MYRIP: variants seen among roughly 807,000 people sequenced by gnomAD.
The protein encoded by MYRIP is rab effector MyRIP.
Under a neutral mutation model 98.0 loss-of-function variants are expected in MYRIP, and 49 were observed. The ratio of observed to expected loss-of-function variants is 0.50; its 90% CI spans 0.40 to 0.63. The LOEUF is 0.63. Among genes scored for constraint, MYRIP ranks in the 30% least tolerant of loss-of-function variants. The probability of loss-of-function intolerance (pLI) is 0.00; values close to 1 mark genes in which losing one functional copy is unlikely to be tolerated. For missense variants in MYRIP, 1,004 were observed against 1,058.2 expected, an observed-to-expected ratio of 0.95 and a Z score of 0.71; for synonymous variants, 404 against 409.5, an observed-to-expected ratio of 0.99 and a Z score of 0.16.
intron 3 of MYRIP, among the ~76,000 whole-genome samples, chr3:40,084,549 A>G (rs1250505817): frequency 6.2e-5 from 6 of 97,524 alleles, no homozygotes; most frequent in Admixed American, 4.5e-4. Flanking sequence ...TTATATATCG[A>G]TAGATAATAC....
chr3:39,890,535 G>A (rs1371019757), intron 1 of MYRIP, among the ~76,000 whole-genome samples: 1 of 151,062 alleles, frequency 6.6e-6, no homozygotes, highest in Admixed American at 6.6e-5. Flanking sequence ...TATAGTTTCT[G>A]AGTTCTTATT....
At chr3:39,866,323 C>G (rs1257691532) in intron 1 of MYRIP, among the ~76,000 whole-genome samples, 1 of 152,020 alleles carries the variant, frequency 6.6e-6, no homozygotes, top group Non-Finnish European at 1.5e-5. Context: ...ATATATACCC[C>G]TGAACCTAAA....
chr3:39,843,264 A>C (rs1044212940), intron 1 of MYRIP, among the ~76,000 whole-genome samples: 5 of 152,214 alleles, frequency 3.3e-5, no homozygotes, highest in African/African-American at 1.2e-4. Flanking sequence ...GCTGAGCATA[A>C]TAATTTATTT....
intron 2 of MYRIP, among the ~76,000 whole-genome samples, chr3:39,910,705 C>T (rs970498207): frequency 2.4e-4 from 36 of 151,930 alleles, no homozygotes; most frequent in African/African-American, 7.3e-4. Context: ...GTTAATTTCA[C>T]TTTTTTTTAC....
intron 2 of MYRIP, among the ~76,000 whole-genome samples, chr3:39,998,778 T>C (rs1398742884): frequency 4.6e-5 from 7 of 152,240 alleles, no homozygotes; most frequent in African/African-American, 1.7e-4. Flanking sequence ...CTTCAAACTA[T>C]ACTACAAGGC....
chr3:40,169,843 A>T, intron 7 of MYRIP, 107 bp from the exon 8 acceptor site: 1 of 1,332,340 alleles, frequency 7.5e-7, no homozygotes, highest in Non-Finnish European at 1.1e-6. Flanking sequence ...TGTTGAAATT[A>T]AGCTTATAAG....
chr3:40,117,856 G>A (rs913244785), intron 3 of MYRIP, among the ~76,000 whole-genome samples: 6 of 152,044 alleles, frequency 3.9e-5, no homozygotes, highest in African/African-American at 1.2e-4. Context: ...ATCATGAGAG[G>A]CCTTACTATG....
chr3:39,973,027 T>G (rs1191551160), intron 2 of MYRIP, among the ~76,000 whole-genome samples: 1 of 152,030 alleles, frequency 6.6e-6, no homozygotes, highest in African/African-American at 2.4e-5. Context: ...TCATATTGAT[T>G]TTTAAAAGAT....
At chr3:39,878,005 G>A (rs1403974491) in intron 1 of MYRIP, among the ~76,000 whole-genome samples, 14 of 152,204 alleles carry the variant, frequency 9.2e-5, no homozygotes, top group African/African-American at 2.2e-4. Context: ...CACCCAGTTC[G>A]AGCTTCCCGG....
Position 40,006,395 on chromosome 3 carries a change from A to G in MYRIP, c.111-37655A>G, listed in dbSNP as rs60406479. ...CAGAGCAAGACTCTGTCTCAAAAAA[A>G]AAGGAGGCTGCTGTGGTGGTCCCCA... On this transcript the variant is annotated intron_variant, in intron 2 of 16. Coordinates refer to ENST00000302541, the MANE Select transcript of MYRIP (RefSeq NM_015460.4). Among the ~76,000 whole-genome samples the G allele has an allele frequency of 7.7e-3, 1,167 of 152,284 alleles. 11 individuals carry two copies. The highest frequency in any genetic ancestry group is 0.027 in the African/African-American group (1,120 of 41,566).
At chr3:40,035,704 TA>T in intron 2 of MYRIP, among the ~76,000 whole-genome samples, 1 of 151,880 alleles carries the variant, frequency 6.6e-6, no homozygotes, top group East Asian at 1.9e-4. Flanking sequence ...TCTGGAAATA[TA>T]AAAATCAGTA....
chr3:40,242,824 G>C lies in MYRIP; in HGVS notation c.2101-1622G>C, dbSNP rs1392924022. On this transcript the variant is annotated intron_variant, in intron 12 of 16. Transcript: ENST00000302541. ...TGATAAACTTCAAACCTCTCTCTCTGTTTCTCCCCCTTTTCCCCACCCCCA... is the reference window on the plus strand; with the variant it reads ...TGATAAACTTCAAACCTCTCTCTCTCTTTCTCCCCCTTTTCCCCACCCCCA... Among the ~76,000 whole-genome samples the C allele has an allele frequency of 2.6e-5, 4 of 151,902 alleles. No homozygotes were observed. The East Asian group carries it at 5.8e-4, about 22-fold the overall frequency.
chr3:39,881,208 T>C (rs1241466070), intron 1 of MYRIP, among the ~76,000 whole-genome samples: 2 of 150,120 alleles, frequency 1.3e-5, no homozygotes, highest in Non-Finnish European at 3.0e-5. Context: ...CTCTGAGCAT[T>C]ACACCCATTT....
intron 2 of MYRIP, among the ~76,000 whole-genome samples, chr3:39,975,141 A>G (rs1463061631): frequency 6.6e-6 from 1 of 152,214 alleles, no homozygotes; most frequent in Non-Finnish European, 1.5e-5. Context: ...GTATGTCTAG[A>G]AAACCCCATC....
chr3:40,108,772 A>G (rs1949101587), intron 3 of MYRIP, among the ~76,000 whole-genome samples: 1 of 152,192 alleles, frequency 6.6e-6, no homozygotes, highest in South Asian at 2.1e-4. Flanking sequence ...GATTGTAAGC[A>G]TTAAGACTCC....
chr3:40,204,188 A>AT lies in MYRIP; in HGVS notation c.1666-5665dup, dbSNP rs1481422170. On this transcript the variant is annotated intron_variant, in intron 10 of 16. Coordinates refer to ENST00000302541, the MANE Select transcript of MYRIP (RefSeq NM_015460.4). ...ATAATATTTATATATTATATAATATATAAATATTATATTATATATTTATAT... is the reference window on the plus strand; with the variant it reads ...ATAATATTTATATATTATATAATATATTAAATATTATATTATATATTTATAT... 2.2e-3 allele frequency among the ~76,000 whole-genome samples: 125 copies of AT among 57,104 alleles called. 4 individuals are homozygous for AT. Among genetic ancestry groups the AT allele is most frequent in the African/African-American group, 6.2e-3 (103 of 16,646 alleles). 37.5% of individuals were successfully genotyped at this position (57,104 alleles called of 152,430 possible).
At chr3:40,070,701 CA>C (rs1010464865) in intron 3 of MYRIP, among the ~76,000 whole-genome samples, 2 of 152,100 alleles carry the variant, frequency 1.3e-5, no homozygotes, top group Admixed American at 1.3e-4. Flanking sequence ...ATCCCAAAAC[CA>C]TCCACCCCCT....
At chr3:39,984,157 G>T (rs1246225528) in intron 2 of MYRIP, among the ~76,000 whole-genome samples, 8 of 151,920 alleles carry the variant, frequency 5.3e-5, no homozygotes, top group Admixed American at 2.6e-4. Flanking sequence ...CTAGGGAAAA[G>T]ACTTTTCAGT....
intron 1 of MYRIP, among the ~76,000 whole-genome samples, chr3:39,886,258 G>C (rs1943300351): frequency 6.6e-6 from 1 of 150,860 alleles, no homozygotes; most frequent in African/African-American, 2.5e-5. Flanking sequence ...AGACCATCGA[G>C]ACTAGGAAGA....
Sources: gnomAD v4.1 joint callset for allele counts (sites outside exome capture counted in the v4.1 genomes callset) on GRCh38, gnomAD v4.1.1 for gene constraint, MANE v1.5 for transcripts, NCBI Gene and HGNC (gene_info 2026-07-23, HGNC 2026-07-21) for gene names.